AFF1: variants seen among roughly 807,000 people sequenced by gnomAD.
AFF1 encodes ALF transcription elongation factor 1.
In AFF1, 48 loss-of-function variants were observed where a neutral mutation model predicts 121.7. That is an observed-to-expected ratio of 0.39 (90% CI 0.31 to 0.50). AFF1 has a LOEUF of 0.50. Ranked by LOEUF, AFF1 falls within the 20% of genes least tolerant of loss-of-function variation. The pLI is 0.76. For missense variants in AFF1, 1,523 were observed against 1,511.7 expected (o/e 1.01, Z -0.12); for synonymous variants, 613 against 563.0 (o/e 1.09, Z -1.26).
At chr4:87,022,541 CAG>C (rs1349711766) in intron 2 of AFF1, among the ~76,000 whole-genome samples, 11 of 94,206 alleles carry the variant, frequency 1.2e-4, no homozygotes, top group African/African-American at 3.2e-4. Flanking sequence ...CCCGTGCTTA[CAG>C]ATATATATAT....
chr4:87,057,322 T>G (rs1720252671), intron 4 of AFF1, among the ~76,000 whole-genome samples: 1 of 152,130 alleles, frequency 6.6e-6, no homozygotes, highest in African/African-American at 2.4e-5. Context: ...ATTGAGTAAT[T>G]TAGATAAAAA....
intron 2 of AFF1, among the ~76,000 whole-genome samples, chr4:86,997,603 A>T (rs934512664): frequency 1.3e-5 from 2 of 151,512 alleles, no homozygotes; most frequent in Non-Finnish European, 2.9e-5. Flanking sequence ...TCTACTAAAA[A>T]TACAAAAAAT....
chr4:87,043,372 A>G (rs973602416), intron 2 of AFF1, among the ~76,000 whole-genome samples: 4 of 152,202 alleles, frequency 2.6e-5, no homozygotes, highest in African/African-American at 7.2e-5. Context: ...AGAAGCTTAG[A>G]TGCTCAGAGG....
intron 4 of AFF1, chr4:87,049,765 G>A (rs1225171923): frequency 2.2e-6 from 1 of 456,152 alleles, no homozygotes; most frequent in Admixed American, 2.3e-5. Context: ...CGCTGTTGGT[G>A]AGTGGGAGGA....
At chr4:87,097,913 A>AT (rs1237901602) in intron 8 of AFF1, among the ~76,000 whole-genome samples, 1 of 152,158 alleles carries the variant, frequency 6.6e-6, no homozygotes, top group Non-Finnish European at 1.5e-5. Flanking sequence ...GATTTGATCT[A>AT]TTGTCAGCAT....
At chr4:87,060,870 CAAAAAAACAACA>C (rs1720714204) in intron 4 of AFF1, among the ~76,000 whole-genome samples, 1 of 33,620 alleles carries the variant, frequency 3.0e-5, no homozygotes, top group Admixed American at 2.4e-4. Context: ...AAAAAAAACA[CAAAAAAACAACA>C]ACAAAAAAAC....
At chr4:86,938,917 A>G (rs1233253144) in intron 1 of AFF1, among the ~76,000 whole-genome samples, 1 of 152,228 alleles carries the variant, frequency 6.6e-6, no homozygotes, top group Admixed American at 6.5e-5. Context: ...TATCTGGCCC[A>G]TTTTAAACAT....
intron 2 of AFF1, chr4:87,007,348 C>T: frequency 3.7e-6 from 6 of 1,610,612 alleles, no homozygotes; most frequent in Non-Finnish European, 5.1e-6. Context: ...GCGCTGGCAG[C>T]AGGGCCCGCG....
intron 2 of AFF1, among the ~76,000 whole-genome samples, chr4:87,040,718 T>TGC (rs1356027182): frequency 6.7e-6 from 1 of 148,890 alleles, no homozygotes. Flanking sequence ...TACAGGCGCC[T>TGC]GCCACCACAC....
intron 2 of AFF1, among the ~76,000 whole-genome samples, chr4:86,998,811 A>G (rs959898336): frequency 2.0e-5 from 3 of 152,192 alleles, no homozygotes; most frequent in African/African-American, 7.2e-5. Flanking sequence ...TTATAAATTC[A>G]GAAATAAAGA....
At chr4:87,053,354 T>C (rs908652164) in intron 4 of AFF1, among the ~76,000 whole-genome samples, 1 of 152,216 alleles carries the variant, frequency 6.6e-6, no homozygotes, top group Non-Finnish European at 1.5e-5. Flanking sequence ...TTTGATTCAT[T>C]GCAGCTCTTA....
chr4:87,007,126 G>C (rs1484807397), intron 2 of AFF1: 5 of 1,272,148 alleles, frequency 3.9e-6, no homozygotes, highest in Admixed American at 4.0e-5. Context: ...GCTTGCCCCG[G>C]ATTCGGACGC....
chr4:87,082,362 G>T (rs1723261119), intron 4 of AFF1, among the ~76,000 whole-genome samples: 3 of 152,046 alleles, frequency 2.0e-5, no homozygotes, highest in Admixed American at 2.0e-4. Flanking sequence ...TTTCTTAATG[G>T]TTTTAAAAAC....
intron 2 of AFF1, among the ~76,000 whole-genome samples, chr4:86,974,715 G>A (rs567933308): frequency 6.6e-6 from 1 of 152,258 alleles, no homozygotes; most frequent in African/African-American, 2.4e-5. Context: ...CCAGTGTTGT[G>A]AAATCACAGG....
chr4:87,035,576 A>AT (rs1553920471), intron 2 of AFF1, among the ~76,000 whole-genome samples: 1 of 151,034 alleles, frequency 6.6e-6, no homozygotes, highest in Non-Finnish European at 1.5e-5. Flanking sequence ...AAAAAAAAAA[A>AT]TACTCAGGAG....
intron 2 of AFF1, among the ~76,000 whole-genome samples, chr4:86,976,300 G>T (rs1369065569): frequency 1.3e-5 from 2 of 152,130 alleles, no homozygotes; most frequent in African/African-American, 4.8e-5. Flanking sequence ...GAGCCCAGAG[G>T]CAGGTAAGGA....
intron 2 of AFF1, among the ~76,000 whole-genome samples, chr4:86,983,854 G>A (rs1723988405): frequency 1.3e-5 from 2 of 152,142 alleles, no homozygotes; most frequent in South Asian, 2.1e-4. Flanking sequence ...TGGCCAACAC[G>A]GTGAAACCCC....
At chr4:87,111,136 T>C (rs1383020143) in intron 11 of AFF1, among the ~76,000 whole-genome samples, 12 of 82,782 alleles carry the variant, frequency 1.4e-4, no homozygotes, top group South Asian at 3.6e-4. Flanking sequence ...GCCTCCCGAG[T>C]AGCTGGGACT....
At chr4:87,079,124 A>G (rs1217932420) in intron 4 of AFF1, among the ~76,000 whole-genome samples, 4 of 152,044 alleles carry the variant, frequency 2.6e-5, no homozygotes, top group South Asian at 2.1e-4. Context: ...CCTCGTCAGC[A>G]CATTGCCTTT....
Sources: allele counts gnomAD v4.1 joint callset (sites outside exome capture counted in the v4.1 genomes callset), GRCh38; gene constraint gnomAD v4.1.1; transcripts MANE v1.5; gene names NCBI Gene and HGNC (gene_info 2026-07-23, HGNC 2026-07-21).